The following CCL17 variants were observed in gnomAD, a reference collection of about 807,000 sequenced individuals.
CCL17 encodes C-C motif chemokine 17.
CCL17 carries 8 observed loss-of-function variants against 7.4 expected under a neutral mutation model. The ratio of observed to expected loss-of-function variants is 1.09; its 90% confidence interval spans 0.64 to 1.96. The LOEUF is 1.96. CCL17 is among the 30% of genes most tolerant of loss of function. The probability of loss-of-function intolerance (pLI) is 0.00; values close to 1 mark genes in which losing one functional copy is unlikely to be tolerated. For synonymous variants in CCL17, 40 were observed against 46.1 expected, an observed-to-expected ratio of 0.87 and a Z score of 0.54; for missense variants, 102 against 113.0, an observed-to-expected ratio of 0.90 and a Z score of 0.44.
chr16:57,403,541 A>T (rs1487379896), upstream of CCL17, among the ~76,000 whole-genome samples: 37 of 33,654 alleles, frequency 1.1e-3, no homozygotes, highest in Admixed American at 6.3e-3. Flanking sequence ...ATATATTATA[A>T]ATATATATTT....
upstream of CCL17, among the ~76,000 whole-genome samples, chr16:57,401,625 G>T (rs1902593126): frequency 6.6e-6 from 1 of 152,162 alleles, no homozygotes; most frequent in Non-Finnish European, 1.5e-5. Flanking sequence ...AGAAATGCGT[G>T]GGACTAATGG....
chr16:57,413,238 C>G (rs1902813775), intron 1 of CCL17, among the ~76,000 whole-genome samples: 1 of 152,232 alleles, frequency 6.6e-6, no homozygotes, highest in Non-Finnish European at 1.5e-5. Flanking sequence ...TGGTCAGGGC[C>G]TCACCTGGGA....
Position 57,409,662 on chromosome 16 carries a change from G to A in CCL17, c.-59-4212G>A, listed in dbSNP as rs547643866. 5.3e-5 allele frequency among the ~76,000 whole-genome samples: 8 copies of A among 152,258 alleles called. No homozygotes were observed. In the East Asian group the frequency reaches 5.8e-4, roughly 11 times the overall value. On this transcript the variant is annotated intron_variant, in intron 1 of 3. Coordinates refer to ENST00000219244, the MANE Select transcript of CCL17 (RefSeq NM_002987.3). ...TGCAGGTAGCCAACTAACACACTTC[G>A]CTGATGGACTGGATGTGGGCAGTGA... is the stretch of plus-strand genomic sequence containing the variant.
At chr16:57,405,368 C>A (rs144038626) in intron 1 of CCL17, among the ~76,000 whole-genome samples, 8 of 152,118 alleles carry the variant, frequency 5.3e-5, no homozygotes, top group Non-Finnish European at 1.2e-4. Flanking sequence ...CTGAAGACAG[C>A]GCTGGGCAGA....
intron 1 of CCL17, among the ~76,000 whole-genome samples, chr16:57,406,280 C>G (rs1376891340): frequency 2.0e-5 from 3 of 152,130 alleles, no homozygotes; most frequent in Admixed American, 6.5e-5. Flanking sequence ...CGTGCACCAC[C>G]ATGATTGGCT....
chr16:57,409,239 G>T (rs533951994), intron 1 of CCL17, among the ~76,000 whole-genome samples: 1 of 152,302 alleles, frequency 6.6e-6, no homozygotes, highest in East Asian at 1.9e-4. Flanking sequence ...AATAAGAGTA[G>T]GAGTGAAAGG....
At chr16:57,406,674 T>G (rs1195209330) in intron 1 of CCL17, among the ~76,000 whole-genome samples, 1 of 152,144 alleles carries the variant, frequency 6.6e-6, no homozygotes, top group Non-Finnish European at 1.5e-5. Flanking sequence ...TTCCCAGGGA[T>G]GACAAGGCGA....
upstream of CCL17, among the ~76,000 whole-genome samples, chr16:57,404,246 G>T (rs1218073847): frequency 6.6e-6 from 1 of 152,170 alleles, no homozygotes; most frequent in Non-Finnish European, 1.5e-5. Context: ...CTGAACACGG[G>T]AGATTCATGG....
chr16:57,408,254 A>C (rs1182519769), intron 1 of CCL17, among the ~76,000 whole-genome samples: 5 of 151,268 alleles, frequency 3.3e-5, no homozygotes, highest in African/African-American at 1.2e-4. Context: ...CCATTCTTTC[A>C]TCCACCTTCC....
At chr16:57,401,395 A>C (rs1902589517), upstream of CCL17, among the ~76,000 whole-genome samples, 1 of 151,712 alleles carries the variant, frequency 6.6e-6, no homozygotes, top group African/African-American at 2.4e-5. Flanking sequence ...ATGGCAGTGC[A>C]CCCCTATAAT....
rs76562094 is a variant in CCL17, at chr16:57,412,775, T to C, written c.-59-1099T>C. Among the ~76,000 whole-genome samples, 375 of 152,206 alleles carry C rather than the reference T, an allele frequency of 2.5e-3. 8 individuals are homozygous for C. The East Asian group carries it at 0.064, about 26-fold the overall frequency. ...AGGCCATGGGACTCTCATCCTACTGTAGGGACGCCCATGCTGTGGCTCCCG... is the reference window on the plus strand; with the variant it reads ...AGGCCATGGGACTCTCATCCTACTGCAGGGACGCCCATGCTGTGGCTCCCG... On this transcript the variant is annotated intron_variant, in intron 1 of 3. Coordinates refer to ENST00000219244, the MANE Select transcript of CCL17 (RefSeq NM_002987.3).
chr16:57,412,144 T>C (rs1022512585), intron 1 of CCL17, among the ~76,000 whole-genome samples: 39 of 152,330 alleles, frequency 2.6e-4, no homozygotes, highest in African/African-American at 9.1e-4. Flanking sequence ...GGCAGAGCTC[T>C]GTGGGACAGA....
the CCL17 span, among the ~76,000 whole-genome samples, chr16:57,399,116 C>T: frequency 1.3e-5 from 2 of 152,202 alleles, no homozygotes; most frequent in South Asian, 2.1e-4. Flanking sequence ...ATTACTGCCT[C>T]ATTGATGAGT....
the CCL17 span, among the ~76,000 whole-genome samples, chr16:57,399,409 G>C: frequency 6.6e-6 from 1 of 152,174 alleles, no homozygotes; most frequent in Non-Finnish European, 1.5e-5. Context: ...TATTGCCAGA[G>C]ATGCTGATCA....
intron 1 of CCL17, among the ~76,000 whole-genome samples, chr16:57,406,234 C>T (rs1316485136): frequency 2.6e-5 from 4 of 152,104 alleles, no homozygotes; most frequent in Non-Finnish European, 4.4e-5. Context: ...GCTCTTTTGC[C>T]CAGGCTGGAG....
At chr16:57,411,726 C>A (rs1390699844) in intron 1 of CCL17, among the ~76,000 whole-genome samples, 1 of 152,202 alleles carries the variant, frequency 6.6e-6, no homozygotes, top group African/African-American at 2.4e-5. Context: ...CCCTTCCTGC[C>A]TCTTCCGAGG....
chr16:57,397,635 G>T, the CCL17 span, among the ~76,000 whole-genome samples: 3 of 152,306 alleles, frequency 2.0e-5, no homozygotes, highest in African/African-American at 7.2e-5. Context: ...ATAACTCCAT[G>T]ATTTTCTTGT....
At chr16:57,399,477 A>G in the CCL17 span, among the ~76,000 whole-genome samples, 1 of 152,060 alleles carries the variant, frequency 6.6e-6, no homozygotes, top group Non-Finnish European at 1.5e-5. Flanking sequence ...TGGAGAAGGA[A>G]TCTTGCTCTG....
chr16:57,415,656 T>G lies in CCL17; in HGVS notation c.189-109T>G, dbSNP rs554463059. ...GCCCTGTGTGACAGCAGCAACTTCC[T>G]GCCCCTCTTGGAGCCTTGGAATCCT... On this transcript the variant is annotated intron_variant, in intron 3 of 3. Transcript: ENST00000219244. This position sits in a 1 kb window ranked among gnomAD's most constrained non-coding sequence, Gnocchi z 4.5. The G allele has an allele frequency of 1.4e-6, 1 of 713,708 alleles. No individual in the cohort carries two copies. The highest frequency in any genetic ancestry group is 2.5e-6 in the Non-Finnish European group (1 of 392,826). The allele number at this position is 713,708 out of a possible 1,614,324, so 44.2% of individuals were successfully genotyped here.
Sources: allele counts gnomAD v4.1 joint callset (sites outside exome capture counted in the v4.1 genomes callset), GRCh38; gene constraint gnomAD v4.1.1; non-coding constraint Gnocchi (gnomAD v3.1); transcripts MANE v1.5; gene names NCBI Gene and HGNC (gene_info 2026-07-23, HGNC 2026-07-21).